The following ZMAT4 variants were observed in gnomAD, a reference collection of about 807,000 sequenced individuals.
The protein encoded by ZMAT4 is zinc finger matrin-type protein 4.
ZMAT4 carries 17 observed loss-of-function variants against 28.7 expected under a neutral mutation model. The ratio of observed to expected loss-of-function variants is 0.59; its 90% confidence interval spans 0.41 to 0.89. The LOEUF is 0.89. Among genes scored for constraint, ZMAT4 ranks in the 40% least tolerant of loss-of-function variants. The pLI, the probability that ZMAT4 is intolerant of heterozygous loss-of-function variation, is 0.00. For missense variants in ZMAT4, 240 were observed against 283.8 expected, an observed-to-expected ratio of 0.85 and a Z score of 1.11; for synonymous variants, 117 against 109.2, an observed-to-expected ratio of 1.07 and a Z score of -0.44.
At chr8:40,761,529 C>A (rs1337549381) in intron 3 of ZMAT4, among the ~76,000 whole-genome samples, 1 of 152,162 alleles carries the variant, frequency 6.6e-6, no homozygotes, top group East Asian at 1.9e-4. Context: ...ATCAAAAAAT[C>A]ACTTCTCTGA....
intron 1 of ZMAT4, among the ~76,000 whole-genome samples, chr8:40,852,224 C>T (rs1404127257): frequency 6.6e-6 from 1 of 152,186 alleles, no homozygotes; most frequent in African/African-American, 2.4e-5. Context: ...CCCACTGCCC[C>T]TCCCAGCCTC....
At chr8:40,661,261 G>T (rs965592783) in intron 5 of ZMAT4, among the ~76,000 whole-genome samples, 4 of 152,054 alleles carry the variant, frequency 2.6e-5, no homozygotes, top group African/African-American at 4.8e-5. Context: ...CACTATACCC[G>T]GCTAATTTTT....
chr8:40,699,084 G>A (rs1248732478), intron 3 of ZMAT4, among the ~76,000 whole-genome samples: 1 of 152,144 alleles, frequency 6.6e-6, no homozygotes, highest in African/African-American at 2.4e-5. Flanking sequence ...GAGGTAAGGG[G>A]CAGGGTTGGC....
intron 6 of ZMAT4, among the ~76,000 whole-genome samples, chr8:40,564,256 C>T (rs1368790974): frequency 1.3e-5 from 2 of 152,232 alleles, no homozygotes; most frequent in East Asian, 3.9e-4. Flanking sequence ...CAATATTTAA[C>T]TCACTGAGTT....
At chr8:40,693,738 C>T (rs771040187) in intron 4 of ZMAT4, among the ~76,000 whole-genome samples, 14 of 152,344 alleles carry the variant, frequency 9.2e-5, no homozygotes, top group Non-Finnish European at 1.5e-4. Flanking sequence ...GTTATTCCAG[C>T]GGCTCTGCCA....
chr8:40,553,704 AG>A (rs1401512047), intron 6 of ZMAT4, among the ~76,000 whole-genome samples: 2 of 152,182 alleles, frequency 1.3e-5, no homozygotes, highest in East Asian at 3.9e-4. Flanking sequence ...AAGGTTGCAT[AG>A]ATAATGAATG....
chr8:40,589,754 T>TTCTTTCTTTCTTTCTTTCTTTCTC (rs1398233232), intron 5 of ZMAT4, among the ~76,000 whole-genome samples: 1 of 148,404 alleles, frequency 6.7e-6, no homozygotes, highest in Non-Finnish European at 1.5e-5. Context: ...CTTTCTTTCT[T>TTCTTTCTTTCTTTCTTTCTTTCTC]TCTTTCTTTT....
At chr8:40,572,859 A>G (rs1375525881) in intron 6 of ZMAT4, among the ~76,000 whole-genome samples, 1 of 152,212 alleles carries the variant, frequency 6.6e-6, no homozygotes, top group Non-Finnish European at 1.5e-5. Context: ...GGTTACTACC[A>G]GCAAAGAGCA....
At chr8:40,646,384 A>G (rs1283037092) in intron 5 of ZMAT4, among the ~76,000 whole-genome samples, 1 of 151,664 alleles carries the variant, frequency 6.6e-6, no homozygotes, top group Non-Finnish European at 1.5e-5. Flanking sequence ...TTGTAAACAT[A>G]CTTTAACTTT....
intron 6 of ZMAT4, among the ~76,000 whole-genome samples, chr8:40,565,365 T>C (rs1367329334): frequency 6.7e-6 from 1 of 149,248 alleles, no homozygotes; most frequent in Admixed American, 6.8e-5. Context: ...AGTGCTGGTT[T>C]GGTGCCACCA....
chr8:40,769,704 T>C (rs1161311870), intron 2 of ZMAT4, among the ~76,000 whole-genome samples: 1 of 152,082 alleles, frequency 6.6e-6, no homozygotes, highest in African/African-American at 2.4e-5. Context: ...CCCTGCATTA[T>C]CAATCTCCTA....
intron 5 of ZMAT4, among the ~76,000 whole-genome samples, chr8:40,633,274 T>C (rs10504033): frequency 0.24 from 36,737 of 152,088 alleles, 5,103 homozygotes; most frequent in Non-Finnish European, 0.31. Flanking sequence ...ATCTACACTT[T>C]TGAGCTGACC....
intron 3 of ZMAT4, among the ~76,000 whole-genome samples, chr8:40,755,188 C>G (rs1303631590): frequency 6.6e-6 from 1 of 152,124 alleles, no homozygotes; most frequent in Non-Finnish European, 1.5e-5. Context: ...TGAAATGATG[C>G]TTCTCTCTTA....
intron 1 of ZMAT4, among the ~76,000 whole-genome samples, chr8:40,853,825 G>A (rs1444922176): frequency 6.6e-6 from 1 of 152,188 alleles, no homozygotes; most frequent in African/African-American, 2.4e-5. Context: ...TTTGACCCGA[G>A]AGAACCTGTG....
chr8:40,806,082 A>G (rs945739510), intron 2 of ZMAT4, among the ~76,000 whole-genome samples: 44 of 152,240 alleles, frequency 2.9e-4, no homozygotes, highest in African/African-American at 1.1e-3. Flanking sequence ...TCATCTTTAT[A>G]CCTGGTAAAA....
chr8:40,662,310 T>A (rs1024762417), intron 5 of ZMAT4, among the ~76,000 whole-genome samples: 2 of 152,036 alleles, frequency 1.3e-5, no homozygotes, highest in Non-Finnish European at 2.9e-5. Context: ...TGAGTAGGGG[T>A]GTTTTGTTGT....
At chr8:40,873,092 T>A (rs938377403) in intron 1 of ZMAT4, among the ~76,000 whole-genome samples, 8 of 152,144 alleles carry the variant, frequency 5.3e-5, no homozygotes, top group Non-Finnish European at 8.8e-5. Context: ...AGATGAAGAA[T>A]CCTTGGGAGG....
In ZMAT4 at chr8:40,825,624, A is replaced by G. The variant is rs1816006945; in HGVS notation, c.53T>C (p.Val18Ala). 13 of 1,555,594 alleles carry G rather than the reference A, an allele frequency of 8.4e-6. No homozygotes were observed. Among genetic ancestry groups the G allele is most frequent in the Non-Finnish European group, 1.1e-5 (13 of 1,148,500 alleles). The change falls in exon 2 of 7, where the codon GTG (valine) becomes GCG (alanine). Residue 18 changes from valine to alanine, a missense_variant. By Grantham distance (64) the Val-to-Ala change is moderately conservative (BLOSUM62 0). Transcript: ENST00000297737. ...QDLFTDSYCK[V>A]CSAQLISESQ... The stretch of plus-strand genomic sequence containing the variant: ...TTCGGAGATCAGCTGTGCACTGCAC[A>G]CCTTGCAGTAACTGTCTGTGAATAA...
intron 4 of ZMAT4, among the ~76,000 whole-genome samples, chr8:40,679,137 C>T (rs1208610645): frequency 2.0e-5 from 3 of 152,124 alleles, no homozygotes; most frequent in Non-Finnish European, 4.4e-5. Context: ...CTAAGAATCA[C>T]CTCATCATGG....
Sources: allele counts gnomAD v4.1 joint callset (sites outside exome capture counted in the v4.1 genomes callset), GRCh38; gene constraint gnomAD v4.1.1; transcripts MANE v1.5; gene names NCBI Gene and HGNC (gene_info 2026-07-23, HGNC 2026-07-21).